TMEM276: variants seen among roughly 807,000 people sequenced by gnomAD.
TMEM276 encodes the protein transmembrane protein 276.
chr8:144,466,716 G>A, the TMEM276 span: 5 of 1,441,154 alleles, frequency 3.5e-6, no homozygotes, highest in East Asian at 2.7e-5. Flanking sequence ...GGGCCAGCAG[G>A]CTGCCTGCCC....
the TMEM276 span, chr8:144,464,925 C>T: frequency 0.98 from 1,581,493 of 1,608,630 alleles, 779,297 homozygotes; most frequent in Non-Finnish European, 1. Context: ...GCAGTATGTA[C>T]GAGGACACAG....
At chr8:144,464,081 G>T in the TMEM276 span, 8 of 1,570,010 alleles carry the variant, frequency 5.1e-6, no homozygotes, top group Non-Finnish European at 6.9e-6. Flanking sequence ...AGGTGGGAGG[G>T]AAAGTGTTCG....
chr8:144,464,797 C>T, the TMEM276 span: 8 of 1,612,294 alleles, frequency 5.0e-6, no homozygotes, highest in Non-Finnish European at 6.8e-6. Context: ...TGCTCAGCCC[C>T]AGTGTACTCA....
chr8:144,464,475 G>C, the TMEM276 span: 2 of 1,612,366 alleles, frequency 1.2e-6, no homozygotes, highest in Non-Finnish European at 1.7e-6. Context: ...GGAAATCGAA[G>C]GCCAGAAGGG....
At chr8:144,464,604 T>C in the TMEM276 span, 1 of 1,606,640 alleles carries the variant, frequency 6.2e-7, no homozygotes. Flanking sequence ...CAGCAGCCCC[T>C]CGACTTGCCT....
the TMEM276 span, chr8:144,464,722 C>T: frequency 6.4e-7 from 1 of 1,563,720 alleles, no homozygotes; most frequent in Admixed American, 1.9e-5. Context: ...ACGCACTTCC[C>T]ACCAACCTCT....
At chr8:144,463,860 G>A in the TMEM276 span, 3 of 1,363,384 alleles carry the variant, frequency 2.2e-6, no homozygotes, top group Non-Finnish European at 1.9e-6. Flanking sequence ...TGGAGACTAG[G>A]CCTCTTCTCT....
chr8:144,466,387 G>T, the TMEM276 span: 1 of 1,003,662 alleles, frequency 1.0e-6, no homozygotes. Context: ...GCGGGGCGGC[G>T]CGAAGCGGGG....
chr8:144,464,664 C>G, the TMEM276 span: 1 of 1,575,292 alleles, frequency 6.3e-7, no homozygotes. Flanking sequence ...CGGGGTCACC[C>G]TTTTAAACAG....
the TMEM276 span, chr8:144,466,687 C>A: frequency 3.1e-6 from 4 of 1,293,052 alleles, no homozygotes; most frequent in African/African-American, 6.3e-5. Flanking sequence ...AATCCTCCGG[C>A]CCGGTTCGCG....
the TMEM276 span, chr8:144,464,985 C>G: frequency 6.4e-7 from 1 of 1,560,840 alleles, no homozygotes; most frequent in East Asian, 2.3e-5. Flanking sequence ...AGCCAGCGAC[C>G]TGGAGCCCTA....
the TMEM276 span, chr8:144,464,191 G>A: frequency 3.1e-5 from 50 of 1,613,004 alleles, no homozygotes; most frequent in Admixed American, 1.7e-4. Context: ...TACAGCCAAG[G>A]CCCAGCGACA....
chr8:144,464,921 T>A, the TMEM276 span: 18 of 1,610,040 alleles, frequency 1.1e-5, no homozygotes, highest in Non-Finnish European at 1.4e-5. Flanking sequence ...GGCGGCAGTA[T>A]GTACGAGGAC....
the TMEM276 span, chr8:144,464,944 TACTC>T: frequency 1.2e-5 from 20 of 1,600,966 alleles, no homozygotes; most frequent in Non-Finnish European, 1.6e-5. Flanking sequence ...AGATAGGAGA[TACTC>T]AACTTTGGAG....
the TMEM276 span, chr8:144,464,850 G>A: frequency 4.2e-5 from 68 of 1,612,738 alleles, no homozygotes; most frequent in Non-Finnish European, 5.6e-5. Context: ...ACCACTCCCA[G>A]CACCAGATGG....
the TMEM276 span, chr8:144,464,728 C>A: frequency 1.3e-6 from 2 of 1,595,218 alleles, no homozygotes; most frequent in East Asian, 2.2e-5. Flanking sequence ...TTCCCACCAA[C>A]CTCTCTCTAA....
chr8:144,467,003 C>G, the TMEM276 span: 168 of 1,594,622 alleles, frequency 1.1e-4, 1 homozygote, highest in Admixed American at 4.4e-4. Flanking sequence ...AGCCGAGGGC[C>G]GCGCGGCCGC....
At chr8:144,466,099 A>G in the TMEM276 span, 274 of 150,534 alleles carry the variant, frequency 1.8e-3, no homozygotes, top group Middle Eastern at 6.3e-3. Flanking sequence ...GCGAAACCGG[A>G]GCGGTGGGGG....
At chr8:144,466,771 G>A in the TMEM276 span, 3 of 1,532,110 alleles carry the variant, frequency 2.0e-6, no homozygotes, top group Non-Finnish European at 2.6e-6. Flanking sequence ...GAGCCCGCAA[G>A]CCCCGGGGTC....
Sources: gnomAD v4.1 joint callset for allele counts on GRCh38, gnomAD v4.1.1 for gene constraint, MANE v1.5 for transcripts, NCBI Gene and HGNC (gene_info 2026-07-23, HGNC 2026-07-21) for gene names.